The following CDH12 variants were observed in gnomAD, a reference collection of about 807,000 sequenced individuals.
CDH12 encodes the protein cadherin-12.
CDH12 carries 41 observed loss-of-function variants against 74.1 expected under a neutral mutation model. The ratio of observed to expected loss-of-function variants is 0.55; its 90% confidence interval spans 0.43 to 0.72. CDH12 has a LOEUF of 0.72. Ranked by LOEUF, CDH12 falls within the 30% of genes least tolerant of loss-of-function variation. The probability of loss-of-function intolerance (pLI) is 0.00; values close to 1 mark genes in which losing one functional copy is unlikely to be tolerated. For missense variants in CDH12, 945 were observed against 977.2 expected, an observed-to-expected ratio of 0.97 and a Z score of 0.44; for synonymous variants, 399 against 355.0, an observed-to-expected ratio of 1.12 and a Z score of -1.39.
chr5:22,172,669 G>A lies in CDH12; in HGVS notation c.-187+39829C>T, dbSNP rs183574909. ...ACATAAGTCATAGTCTCTAAACAGG[G>A]AAGAGGGATGTCTGTTGGGTAGATG... On this transcript the variant is annotated intron_variant, in intron 4 of 14. Coordinates refer to ENST00000382254, the MANE Select transcript of CDH12 (RefSeq NM_004061.5). Among the ~76,000 whole-genome samples, 9 of 151,796 alleles carry A rather than the reference G, an allele frequency of 5.9e-5. No individual in the cohort carries two copies. The East Asian group carries it at 1.7e-3, about 29-fold the overall frequency.
chr5:22,572,300 T>G (rs1035019582), intron 1 of CDH12, among the ~76,000 whole-genome samples: 4 of 152,206 alleles, frequency 2.6e-5, no homozygotes, highest in African/African-American at 9.7e-5. Flanking sequence ...TTTTTAGTAT[T>G]TTTAGTATTG....
intron 3 of CDH12, among the ~76,000 whole-genome samples, chr5:22,267,762 G>A (rs999841833): frequency 1.3e-5 from 2 of 151,988 alleles, no homozygotes; most frequent in African/African-American, 4.8e-5. Context: ...AGTAAGAAGT[G>A]AAGGCTTTTC....
chr5:22,059,375 CTATCTATCTATCTATCTATG>C (rs201689561), intron 5 of CDH12, among the ~76,000 whole-genome samples: 20,849 of 123,922 alleles, frequency 0.17, 1,699 homozygotes, highest in African/African-American at 0.31. Flanking sequence ...ATCTATCTAT[CTATCTATCTATCTATCTATG>C]TATCTACTTT....
intron 3 of CDH12, among the ~76,000 whole-genome samples, chr5:22,398,859 T>C (rs781510527): frequency 7.9e-5 from 12 of 152,084 alleles, no homozygotes; most frequent in Non-Finnish European, 1.6e-4. Context: ...TTGGCTCCTA[T>C]GTAAGCTTTA....
intron 3 of CDH12, among the ~76,000 whole-genome samples, chr5:22,246,821 A>T (rs1321925723): frequency 2.0e-5 from 3 of 151,992 alleles, no homozygotes; most frequent in East Asian, 1.9e-4. Flanking sequence ...AGTTGTTAGA[A>T]TTTTTTTTAA....
chr5:22,650,517 C>T (rs1739680184), intron 1 of CDH12, among the ~76,000 whole-genome samples: 1 of 152,120 alleles, frequency 6.6e-6, no homozygotes, highest in Non-Finnish European at 1.5e-5. Flanking sequence ...GTTCTTTCAA[C>T]ACAAAATCAT....
At chr5:22,840,764 T>C (rs893069756) in intron 1 of CDH12, among the ~76,000 whole-genome samples, 1 of 152,146 alleles carries the variant, frequency 6.6e-6, no homozygotes, top group African/African-American at 2.4e-5. Context: ...AATTGTATTA[T>C]ACAGTTTTAT....
At chr5:22,428,264 A>C (rs1016126470) in intron 2 of CDH12, among the ~76,000 whole-genome samples, 1 of 152,110 alleles carries the variant, frequency 6.6e-6, no homozygotes, top group Non-Finnish European at 1.5e-5. Context: ...GCATATGTAT[A>C]TATAGATATC....
At chr5:22,057,145 C>G (rs1375797918) in intron 5 of CDH12, among the ~76,000 whole-genome samples, 1 of 152,158 alleles carries the variant, frequency 6.6e-6, no homozygotes, top group Non-Finnish European at 1.5e-5. Context: ...TCTGTCATAA[C>G]TACTCAACTT....
intron 2 of CDH12, among the ~76,000 whole-genome samples, chr5:22,425,453 C>T (rs964704632): frequency 1.3e-5 from 2 of 151,270 alleles, no homozygotes; most frequent in East Asian, 3.9e-4. Flanking sequence ...TGTAGCACAG[C>T]GTCATTATAT....
intron 1 of CDH12, among the ~76,000 whole-genome samples, chr5:22,700,605 C>T (rs1029037121): frequency 1.6e-4 from 25 of 152,088 alleles, no homozygotes; most frequent in African/African-American, 5.8e-4. Context: ...TTTTCTATTC[C>T]TTTTGAGTAT....
chr5:21,846,801 C>G (rs748436186), intron 7 of CDH12, among the ~76,000 whole-genome samples: 4 of 152,068 alleles, frequency 2.6e-5, no homozygotes, highest in Non-Finnish European at 5.9e-5. Context: ...CCTGGGGAGG[C>G]AAGTCCAGGC....
At chr5:22,546,807 T>C (rs181796486) in intron 1 of CDH12, among the ~76,000 whole-genome samples, 2 of 152,192 alleles carry the variant, frequency 1.3e-5, no homozygotes, top group Non-Finnish European at 2.9e-5. Context: ...TCAAAGTATA[T>C]TTATTTTCTA....
At chr5:21,918,269 AT>A (rs1233589940) in intron 6 of CDH12, among the ~76,000 whole-genome samples, 1 of 152,146 alleles carries the variant, frequency 6.6e-6, no homozygotes, top group Non-Finnish European at 1.5e-5. Context: ...TCCAATATGC[AT>A]TTAAGTGTGT....
intron 1 of CDH12, among the ~76,000 whole-genome samples, chr5:22,661,727 AG>A (rs1740359175): frequency 6.6e-6 from 1 of 152,124 alleles, no homozygotes; most frequent in African/African-American, 2.4e-5. Flanking sequence ...TACAGATCAA[AG>A]AAACAAGATA....
At chr5:21,859,738 C>A (rs1750936252) in intron 6 of CDH12, among the ~76,000 whole-genome samples, 1 of 151,912 alleles carries the variant, frequency 6.6e-6, no homozygotes, top group African/African-American at 2.4e-5. Context: ...TGCCACCTGG[C>A]CAGTTTGGGC....
intron 6 of CDH12, among the ~76,000 whole-genome samples, chr5:21,949,867 A>T (rs1755765543): frequency 6.6e-6 from 1 of 152,216 alleles, no homozygotes; most frequent in African/African-American, 2.4e-5. Context: ...CTGTAGGATA[A>T]GTTTAATGTA....
Position 21,880,617 on chromosome 5 carries a change from T to TTCCTTCCTTCCTTCCTTCTTTCTC in CDH12, c.527-25828_527-25827insGAGAAAGAAGGAAGGAAGGAAGGA, listed in dbSNP as rs1579896092. On this transcript the variant is annotated intron_variant, in intron 6 of 14. Coordinates refer to ENST00000382254, the MANE Select transcript of CDH12 (RefSeq NM_004061.5). ...CTTCCTTCCTTCCTTCCTTCCTTCC[T>TTCCTTCCTTCCTTCCTTCTTTCTC]TCTTTCTTTCTTTCTTTCTTTCTTT... Among the ~76,000 whole-genome samples the TTCCTTCCTTCCTTCCTTCTTTCTC allele has an allele frequency of 2.4e-4, 13 of 54,016 alleles. No homozygotes were observed. In the South Asian group the frequency reaches 4.8e-3, roughly 20 times the overall value. The allele number at this position is 54,016 out of a possible 152,430, so 35.4% of individuals were successfully genotyped here. A position where few individuals can be genotyped will look rare whatever the true frequency, so the allele number is the denominator to read the frequency against.
chr5:22,790,024 A>T (rs907878990), intron 1 of CDH12, among the ~76,000 whole-genome samples: 13 of 152,060 alleles, frequency 8.5e-5, no homozygotes, highest in African/African-American at 2.9e-4. Flanking sequence ...GGAGTTTCTA[A>T]ACTTTTAGTA....
Sources: allele counts gnomAD v4.1 joint callset (sites outside exome capture counted in the v4.1 genomes callset), GRCh38; gene constraint gnomAD v4.1.1; transcripts MANE v1.5; gene names NCBI Gene and HGNC (gene_info 2026-07-23, HGNC 2026-07-21).